The following DRC11 variants were observed in gnomAD, a reference collection of about 807,000 sequenced individuals.
The protein encoded by DRC11 is dynein regulatory complex subunit 11.
At chr2:236,473,323 C>T in the DRC11 span, among the ~76,000 whole-genome samples, 1 of 152,144 alleles carries the variant, frequency 6.6e-6, no homozygotes, top group Non-Finnish European at 1.5e-5. This position sits in a 1 kb window ranked among gnomAD's most constrained non-coding sequence, Gnocchi z 4.8. Context: ...AACAGAGTCT[C>T]GGGAGAGGGC....
chr2:236,498,406 A>G, the DRC11 span, among the ~76,000 whole-genome samples: 31 of 151,814 alleles, frequency 2.0e-4, no homozygotes, highest in African/African-American at 7.0e-4. Context: ...TGGAGTTTGC[A>G]GTGACCCGAA....
At chr2:236,468,036 T>A in the DRC11 span, among the ~76,000 whole-genome samples, 23 of 152,296 alleles carry the variant, frequency 1.5e-4, no homozygotes, top group Non-Finnish European at 1.2e-4. Flanking sequence ...TTTGTAAATA[T>A]ATGCATTAGA....
the DRC11 span, chr2:236,419,335 C>T: frequency 6.7e-7 from 1 of 1,491,934 alleles, no homozygotes; most frequent in Non-Finnish European, 8.9e-7. This position sits in a 1 kb window ranked among gnomAD's most constrained non-coding sequence, Gnocchi z 4.8. Context: ...GACTGTTTTC[C>T]CTGTCTGAAA....
chr2:236,391,443 A>T, the DRC11 span: 1 of 154,218 alleles, frequency 6.5e-6, no homozygotes, highest in South Asian at 2.0e-4. This position sits in a 1 kb window ranked among gnomAD's most constrained non-coding sequence, Gnocchi z 4.5. Flanking sequence ...TCTGGCTCCA[A>T]TGACAGGGCT....
chr2:236,408,692 CT>C, the DRC11 span: 1 of 719,340 alleles, frequency 1.4e-6, no homozygotes, highest in South Asian at 1.4e-5. The surrounding 1 kb of genome is among the most constrained non-coding windows in gnomAD (Gnocchi z 5.5). Context: ...TAAAGGCCTC[CT>C]TCTTAGATTT....
the DRC11 span, among the ~76,000 whole-genome samples, chr2:236,344,899 C>T: frequency 6.7e-6 from 1 of 148,890 alleles, no homozygotes; most frequent in Non-Finnish European, 1.5e-5. Context: ...TGTGCAGAGC[C>T]CTGGTTGTAA....
chr2:236,380,240 C>T, the DRC11 span, among the ~76,000 whole-genome samples: 2 of 152,324 alleles, frequency 1.3e-5, no homozygotes, highest in African/African-American at 2.4e-5. The surrounding 1 kb of genome is among the most constrained non-coding windows in gnomAD (Gnocchi z 4.9). Flanking sequence ...GATTCCTGTC[C>T]TGTGAGAACT....
the DRC11 span, among the ~76,000 whole-genome samples, chr2:236,349,870 C>G: frequency 6.6e-6 from 1 of 152,148 alleles, no homozygotes; most frequent in Admixed American, 6.5e-5. This position sits in a 1 kb window ranked among gnomAD's most constrained non-coding sequence, Gnocchi z 5.5. Context: ...ACCCCTGAAC[C>G]TAAAATAAAA....
the DRC11 span, among the ~76,000 whole-genome samples, chr2:236,350,493 C>T: frequency 1.3e-5 from 2 of 152,242 alleles, no homozygotes; most frequent in Non-Finnish European, 2.9e-5. The surrounding 1 kb of genome is among the most constrained non-coding windows in gnomAD (Gnocchi z 5.2). Context: ...TCCAGGACAC[C>T]ATTTGCATCC....
At chr2:236,450,593 T>C in the DRC11 span, among the ~76,000 whole-genome samples, 3 of 152,170 alleles carry the variant, frequency 2.0e-5, no homozygotes, top group Non-Finnish European at 2.9e-5. Context: ...GCTGGGATTA[T>C]AGGCGTGAGC....
At chr2:236,393,887 C>T in the DRC11 span, among the ~76,000 whole-genome samples, 1 of 152,136 alleles carries the variant, frequency 6.6e-6, no homozygotes, top group South Asian at 2.1e-4. The surrounding 1 kb of genome is among the most constrained non-coding windows in gnomAD (Gnocchi z 4.7). Context: ...CAGCTGGTGA[C>T]CTTAGCAGGG....
the DRC11 span, among the ~76,000 whole-genome samples, chr2:236,327,807 G>A: frequency 6.6e-6 from 1 of 151,742 alleles, no homozygotes; most frequent in Non-Finnish European, 1.5e-5. Context: ...CTCAGCCTCC[G>A]GAGTAGCTGG....
the DRC11 span, chr2:236,497,270 C>A: frequency 1.2e-6 from 2 of 1,613,880 alleles, no homozygotes; most frequent in Non-Finnish European, 1.7e-6. This position sits in a 1 kb window ranked among gnomAD's most constrained non-coding sequence, Gnocchi z 5.1. Flanking sequence ...ATCACCCCGT[C>A]CAGGACTTTC....
the DRC11 span, chr2:236,465,617 C>T: frequency 3.1e-6 from 5 of 1,613,890 alleles, no homozygotes; most frequent in Non-Finnish European, 4.2e-6. The surrounding 1 kb of genome is among the most constrained non-coding windows in gnomAD (Gnocchi z 6.2). Flanking sequence ...CTGTAGTCCT[C>T]TTCATGCTTT....
At chr2:236,423,989 G>A in the DRC11 span, among the ~76,000 whole-genome samples, 13 of 146,448 alleles carry the variant, frequency 8.9e-5, no homozygotes, top group Non-Finnish European at 1.8e-4. Context: ...CTCATAGGTG[G>A]GAATTGAACA....
the DRC11 span, among the ~76,000 whole-genome samples, chr2:236,405,899 G>C: frequency 1.3e-5 from 2 of 152,150 alleles, no homozygotes; most frequent in Non-Finnish European, 1.5e-5. This position sits in a 1 kb window ranked among gnomAD's most constrained non-coding sequence, Gnocchi z 4.6. Context: ...TGCGAAGAAT[G>C]GTGCACAATT....
At chr2:236,356,770 CTG>C in the DRC11 span, among the ~76,000 whole-genome samples, 1 of 151,802 alleles carries the variant, frequency 6.6e-6, no homozygotes, top group East Asian at 1.9e-4. Flanking sequence ...CTCAAGGAGA[CTG>C]GTACCTGGGG....
chr2:236,344,535 T>C, the DRC11 span: 2 of 1,580,940 alleles, frequency 1.3e-6, no homozygotes, highest in South Asian at 1.1e-5. Context: ...AAGGCAAAAG[T>C]AAGGCATGAG....
At chr2:236,359,315 T>C in the DRC11 span, among the ~76,000 whole-genome samples, 1 of 152,192 alleles carries the variant, frequency 6.6e-6, no homozygotes, top group Non-Finnish European at 1.5e-5. This position sits in a 1 kb window ranked among gnomAD's most constrained non-coding sequence, Gnocchi z 4.3. Flanking sequence ...CTCATTATTC[T>C]ATTAGTTACT....
Sources: allele counts gnomAD v4.1 joint callset (sites outside exome capture counted in the v4.1 genomes callset), GRCh38; gene constraint gnomAD v4.1.1; non-coding constraint Gnocchi (gnomAD v3.1); transcripts MANE v1.5; gene names NCBI Gene and HGNC (gene_info 2026-07-23, HGNC 2026-07-21).